The following CCPG1 variants were observed in gnomAD, a reference collection of about 807,000 sequenced individuals.
CCPG1 encodes the protein cell cycle progression 1.
A neutral mutation model predicts 81.3 loss-of-function variants in CCPG1; 46 were observed. The ratio of observed to expected loss-of-function variants is 0.57; its 90% CI spans 0.45 to 0.72. The LOEUF (loss-of-function observed/expected upper bound fraction) is 0.72, where lower values mean the gene tolerates loss of function less well. CCPG1 is among the 30% of genes least tolerant of loss of function. CCPG1 has a pLI of 0.00. For missense variants in CCPG1, 902 were observed against 937.6 expected, an observed-to-expected ratio of 0.96 and a Z score of 0.50; for synonymous variants, 330 against 305.2, an observed-to-expected ratio of 1.08 and a Z score of -0.85.
At chr15:55,387,646 G>A (rs1172614152) in intron 2 of CCPG1, among the ~76,000 whole-genome samples, 1 of 151,682 alleles carries the variant, frequency 6.6e-6, no homozygotes, top group Non-Finnish European at 1.5e-5. Flanking sequence ...CCAGGTTCAA[G>A]CGATTGTCCT....
rs561068055 is a variant in CCPG1 at position 55,356,322 on chromosome 15, A to T, written c.2322T>A (p.Tyr774Ter). The change falls in exon 9 of 9, where the codon TAT (tyrosine) becomes TAA (stop). Residue 774 changes from tyrosine to a stop codon, truncating the protein, a stop_gained. Coordinates refer to ENST00000442196, the MANE Select transcript of CCPG1 (RefSeq NM_001204450.2). LOFTEE classifies it high-confidence loss of function. ...QEQKHLQPQP[Y>*]KREGKWHKYG... ...ATTTATGCCATTTACCTTCCCTTTT[A>T]TAAGGCTGTGGCTGAAGGTGCTTCT... 146 of 1,535,680 alleles carry T rather than the reference A, an allele frequency of 9.5e-5. No homozygotes were observed. In the African/African-American group the frequency reaches 1.9e-3, roughly 20 times the overall value.
In CCPG1 at chr15:55,355,320, A is replaced by G; in HGVS notation, c.*900T>C. On this transcript the variant is annotated 3_prime_UTR_variant, in exon 9 of 9. Transcript: ENST00000442196. ...GCTTTCCTAATTTCAAGCAATTATA[A>G]AAGAACTGCTGTTTTCTTCCACACT... 6.2e-7 allele frequency: 1 copy of G among 1,610,848 alleles called. No individual in the cohort carries two copies. Among genetic ancestry groups the G allele is most frequent in the South Asian group, 1.1e-5 (1 of 90,756 alleles).
intron 8 of CCPG1, chr15:55,356,999 G>A: frequency 1.0e-6 from 1 of 985,394 alleles, no homozygotes; most frequent in Non-Finnish European, 1.2e-6. Flanking sequence ...GATGGCTTTT[G>A]GATTTTCAAG....
At chr15:55,405,739 C>T (rs1188645986) in intron 1 of CCPG1, among the ~76,000 whole-genome samples, 3 of 147,266 alleles carry the variant, frequency 2.0e-5, no homozygotes, top group African/African-American at 8.1e-5. Flanking sequence ...TACAAATTGT[C>T]GGATCTGTTA....
At chr15:55,395,807 T>G (rs979491983) in intron 1 of CCPG1, among the ~76,000 whole-genome samples, 4 of 152,136 alleles carry the variant, frequency 2.6e-5, no homozygotes, top group African/African-American at 9.7e-5. Flanking sequence ...AAGCAATCAA[T>G]AAACAAGAAA....
intron 1 of CCPG1, among the ~76,000 whole-genome samples, chr15:55,391,778 G>A (rs2056918436): frequency 6.6e-6 from 1 of 151,068 alleles, no homozygotes; most frequent in African/African-American, 2.4e-5. Flanking sequence ...ATCCCTTGAG[G>A]CCAGGAGTTC....
chr15:55,386,193 C>CAA (rs34646724), intron 2 of CCPG1, among the ~76,000 whole-genome samples: 9 of 103,826 alleles, frequency 8.7e-5, no homozygotes, highest in African/African-American at 3.7e-4. Flanking sequence ...AATTCCGTCT[C>CAA]AAAAAAAAAA....
chr15:55,376,473 T>C (rs970467540), intron 5 of CCPG1, among the ~76,000 whole-genome samples: 2 of 152,242 alleles, frequency 1.3e-5, no homozygotes, highest in Non-Finnish European at 2.9e-5. Context: ...GCTGTATTGA[T>C]AGCACCTTGA....
At chr15:55,384,769 C>T (rs931855224) in intron 3 of CCPG1, among the ~76,000 whole-genome samples, 1 of 152,022 alleles carries the variant, frequency 6.6e-6, no homozygotes, top group Non-Finnish European at 1.5e-5. Context: ...TAGACTTGCT[C>T]AACACAGGGT....
chr15:55,365,137 T>C, intron 7 of CCPG1, 51 bp downstream of exon 7: 2 of 1,117,476 alleles, frequency 1.8e-6, no homozygotes, highest in Admixed American at 2.4e-5. Flanking sequence ...CTCTAACTAA[T>C]AAGCAAAATA....
chr15:55,405,364 A>G (rs983081113), intron 1 of CCPG1, among the ~76,000 whole-genome samples: 8 of 151,966 alleles, frequency 5.3e-5, no homozygotes, highest in South Asian at 2.1e-4. Flanking sequence ...CTCCGTCTCA[A>G]AAAAAAATTT....
chr15:55,406,825 TAAG>T (rs1287763067), intron 1 of CCPG1, among the ~76,000 whole-genome samples: 9 of 152,230 alleles, frequency 5.9e-5, no homozygotes, highest in South Asian at 2.1e-4. Context: ...TGTTTTCATC[TAAG>T]AAGGAGTATT....
At chr15:55,385,164 TTTTC>T (rs2056774743) in intron 3 of CCPG1, among the ~76,000 whole-genome samples, 1 of 152,046 alleles carries the variant, frequency 6.6e-6, no homozygotes, top group Non-Finnish European at 1.5e-5. Flanking sequence ...ACACTGAAGT[TTTTC>T]TTTGTTTGTT....
intron 1 of CCPG1, chr15:55,399,898 A>C (rs551448238): frequency 6.6e-6 from 1 of 152,300 alleles, no homozygotes. Context: ...GTTTGAGACC[A>C]GCCTGGGCAA....
chr15:55,384,616 T>C (rs978514652), intron 3 of CCPG1, among the ~76,000 whole-genome samples: 2 of 152,134 alleles, frequency 1.3e-5, no homozygotes, highest in African/African-American at 4.8e-5. Flanking sequence ...GATCATACCA[T>C]TGCACTCCAG....
chr15:55,386,676 C>G (rs1225328876), intron 2 of CCPG1, among the ~76,000 whole-genome samples: 1 of 152,038 alleles, frequency 6.6e-6, no homozygotes, highest in South Asian at 2.1e-4. Flanking sequence ...GGGCGGATCA[C>G]GAGGTCAGGA....
At chr15:55,368,479 A>G (rs150865296) in intron 6 of CCPG1, among the ~76,000 whole-genome samples, 9 of 152,314 alleles carry the variant, frequency 5.9e-5, no homozygotes, top group Non-Finnish European at 7.3e-5. Context: ...CTTAGCATCT[A>G]GATATCTTGT....
intron 1 of CCPG1, among the ~76,000 whole-genome samples, chr15:55,401,560 G>A (rs2057129418): frequency 2.0e-5 from 3 of 151,938 alleles, no homozygotes; most frequent in African/African-American, 4.8e-5. Context: ...CCAGCTATTC[G>A]GGAGGCTGAG....
intron 3 of CCPG1, among the ~76,000 whole-genome samples, chr15:55,384,422 G>A (rs1012766481): frequency 3.3e-5 from 5 of 152,226 alleles, no homozygotes; most frequent in African/African-American, 4.8e-5. Context: ...CACTTTGGGA[G>A]GTTGACACAG....
Sources: allele counts gnomAD v4.1 joint callset (sites outside exome capture counted in the v4.1 genomes callset), GRCh38; gene constraint gnomAD v4.1.1; transcripts MANE v1.5; gene names NCBI Gene and HGNC (gene_info 2026-07-23, HGNC 2026-07-21).